KLHL1: variants seen among roughly 807,000 people sequenced by gnomAD.
The protein encoded by KLHL1 is kelch-like protein 1.
Under a neutral mutation model 77.7 loss-of-function variants are expected in KLHL1, and 47 were observed. That is an observed-to-expected ratio of 0.60 (90% CI 0.48 to 0.77). KLHL1 has a LOEUF of 0.77. KLHL1 is among the 30% of genes least tolerant of loss of function. KLHL1 has a pLI of 0.00. For missense variants in KLHL1, 925 were observed against 910.8 expected (o/e 1.02, Z -0.20); for synonymous variants, 360 against 325.2 (o/e 1.11, Z -1.15).
chr13:69,780,709 T>TATATATATATATATATAC (rs1333208359), intron 7 of KLHL1, among the ~76,000 whole-genome samples: 10 of 37,344 alleles, frequency 2.7e-4, no homozygotes, highest in Admixed American at 4.8e-4. Flanking sequence ...TATGTATATA[T>TATATATATATATATATAC]ATATATGTAT....
intron 4 of KLHL1, among the ~76,000 whole-genome samples, chr13:69,920,950 T>C: frequency 6.6e-6 from 1 of 152,188 alleles, no homozygotes. Context: ...TGTTTTAACA[T>C]ATCCATAAGG....
rs868665451 is a variant in KLHL1 at position 69,991,004 on chromosome 13, T to C, written c.498-15202A>G. Among the ~76,000 whole-genome samples the C allele has an allele frequency of 3.3e-5, 5 of 152,036 alleles. No individual in the cohort carries two copies. In the South Asian group the frequency reaches 1.0e-3, roughly 31 times the overall value. On this transcript the variant is annotated intron_variant, in intron 1 of 10. Transcript: ENST00000377844. ...TAGAAATGAAGGTCAAGAAAATTGCTCAAAACCATACAATTACATGGGTAT... is the reference window on the plus strand; with the variant it reads ...TAGAAATGAAGGTCAAGAAAATTGCCCAAAACCATACAATTACATGGGTAT...
intron 6 of KLHL1, among the ~76,000 whole-genome samples, chr13:69,814,783 C>A (rs1030726341): frequency 6.6e-6 from 1 of 152,060 alleles, no homozygotes; most frequent in East Asian, 1.9e-4. Context: ...GAGGCTAAGG[C>A]AGGTGGATCA....
chr13:69,724,309 G>A (rs540831638), intron 8 of KLHL1, among the ~76,000 whole-genome samples: 6 of 152,186 alleles, frequency 3.9e-5, no homozygotes, highest in African/African-American at 4.8e-5. Flanking sequence ...GGCACATGTC[G>A]TCAGGACCTC....
rs142001754 is a variant in KLHL1, at chr13:70,104,938, T to C, written c.497+2265A>G. ...TACTGCATATTAAAATATTATATAC[T>C]GATAATGATTAATTGCTAGTTTTAC... On this transcript the variant is annotated intron_variant, in intron 1 of 10. Coordinates refer to ENST00000377844, the MANE Select transcript of KLHL1 (RefSeq NM_020866.3). Among the ~76,000 whole-genome samples, 55 of 152,196 alleles carry C rather than the reference T, an allele frequency of 3.6e-4. 1 individual carries two copies. The East Asian group carries it at 0.01, about 28-fold the overall frequency.
chr13:70,033,311 A>G (rs1302257158), intron 1 of KLHL1, among the ~76,000 whole-genome samples: 1 of 152,002 alleles, frequency 6.6e-6, no homozygotes, highest in Non-Finnish European at 1.5e-5. Context: ...TTGTTTTGAG[A>G]CAGAGTCTCT....
intron 6 of KLHL1, among the ~76,000 whole-genome samples, chr13:69,833,280 C>G (rs563198248): frequency 6.0e-4 from 91 of 151,972 alleles, no homozygotes; most frequent in Non-Finnish European, 1.1e-3. Context: ...ATAATCCCAT[C>G]AAAAAGTGGG....
intron 4 of KLHL1, among the ~76,000 whole-genome samples, chr13:69,927,287 A>G (rs1270104620): frequency 6.6e-6 from 1 of 152,204 alleles, no homozygotes; most frequent in Non-Finnish European, 1.5e-5. Flanking sequence ...AGAGCTAAAT[A>G]TAAGAGCCAA....
chr13:70,099,793 T>C (rs1377233138), intron 1 of KLHL1, among the ~76,000 whole-genome samples: 3 of 152,020 alleles, frequency 2.0e-5, no homozygotes, highest in East Asian at 1.9e-4. Flanking sequence ...ATGAACAGCT[T>C]TCGTTAAACT....
At chr13:70,069,565 A>T (rs964658044) in intron 1 of KLHL1, among the ~76,000 whole-genome samples, 1 of 152,232 alleles carries the variant, frequency 6.6e-6, no homozygotes, top group Admixed American at 6.5e-5. Flanking sequence ...ATTTAAAAGG[A>T]TTAAATGGTA....
intron 8 of KLHL1, among the ~76,000 whole-genome samples, chr13:69,730,955 T>C (rs1042479681): frequency 6.6e-6 from 1 of 152,176 alleles, no homozygotes; most frequent in African/African-American, 2.4e-5. Context: ...GTTTTACTTT[T>C]AATATTTAAT....
chr13:70,099,845 A>G (rs1887882473), intron 1 of KLHL1, among the ~76,000 whole-genome samples: 1 of 152,008 alleles, frequency 6.6e-6, no homozygotes, highest in African/African-American at 2.4e-5. Context: ...ATATGGCAGA[A>G]TAGTATTTCA....
intron 7 of KLHL1, among the ~76,000 whole-genome samples, chr13:69,780,543 G>A (rs1427201468): frequency 2.0e-5 from 3 of 150,694 alleles, no homozygotes; most frequent in African/African-American, 2.4e-5. Flanking sequence ...CTAGTCTAAC[G>A]AGTTATATTA....
intron 7 of KLHL1, among the ~76,000 whole-genome samples, chr13:69,756,005 C>T (rs1235550227): frequency 6.6e-6 from 1 of 152,118 alleles, no homozygotes; most frequent in Non-Finnish European, 1.5e-5. Flanking sequence ...TTTTTCCTTG[C>T]CATTGGGCCG....
chr13:69,756,279 G>A (rs2137957111), intron 7 of KLHL1, among the ~76,000 whole-genome samples: 1 of 152,196 alleles, frequency 6.6e-6, no homozygotes, highest in Non-Finnish European at 1.5e-5. Flanking sequence ...GATACAGAAA[G>A]GGATAATACT....
chr13:70,073,791 G>T (rs970411020), intron 1 of KLHL1, among the ~76,000 whole-genome samples: 12 of 151,130 alleles, frequency 7.9e-5, no homozygotes, highest in Non-Finnish European at 1.2e-4. Flanking sequence ...TAAATAAAAA[G>T]AAAAAGAAAA....
At chr13:69,888,990 A>G (rs1199115153) in intron 4 of KLHL1, among the ~76,000 whole-genome samples, 1 of 151,962 alleles carries the variant, frequency 6.6e-6, no homozygotes, top group Non-Finnish European at 1.5e-5. Context: ...AGAGTTATAA[A>G]TAAAATCCAG....
At chr13:69,980,330 G>C (rs1252518686) in intron 1 of KLHL1, among the ~76,000 whole-genome samples, 2 of 151,962 alleles carry the variant, frequency 1.3e-5, no homozygotes, top group Non-Finnish European at 2.9e-5. Context: ...TACCTACTTA[G>C]TGCAAATCTG....
At chr13:69,967,897 A>G (rs1593634236) in intron 2 of KLHL1, among the ~76,000 whole-genome samples, 1 of 151,950 alleles carries the variant, frequency 6.6e-6, no homozygotes, top group Admixed American at 6.6e-5. Context: ...AAAAAAAAAA[A>G]AAAGAAATAA....
Sources: gnomAD v4.1 joint callset for allele counts (sites outside exome capture counted in the v4.1 genomes callset) on GRCh38, gnomAD v4.1.1 for gene constraint, MANE v1.5 for transcripts, NCBI Gene and HGNC (gene_info 2026-07-23, HGNC 2026-07-21) for gene names.